DSCAM: variants seen among roughly 807,000 people sequenced by gnomAD.
The protein encoded by DSCAM is DS cell adhesion molecule, also known as cell adhesion molecule DSCAM.
Under a neutral mutation model 217.7 loss-of-function variants are expected in DSCAM, and 47 were observed. The ratio of observed to expected loss-of-function variants is 0.22; its 90% CI spans 0.17 to 0.28. The LOEUF (loss-of-function observed/expected upper bound fraction) is 0.28, where lower values mean the gene tolerates loss of function less well. Ranked by LOEUF, DSCAM falls within the 10% of genes least tolerant of loss-of-function variation. The pLI, the probability that DSCAM is intolerant of heterozygous loss-of-function variation, is 1.00. For missense variants in DSCAM, 2,080 were observed against 2,618.3 expected (o/e 0.79, Z 4.49); for synonymous variants, 1,056 against 1,015.3 (o/e 1.04, Z -0.76).
chr21:40,511,088 A>G (rs2076253877), intron 3 of DSCAM, among the ~76,000 whole-genome samples: 1 of 152,238 alleles, frequency 6.6e-6, no homozygotes, highest in African/African-American at 2.4e-5. Flanking sequence ...TGTTAATAAT[A>G]AAGGTTGGAT....
chr21:40,564,730 A>T (rs1483775278), intron 3 of DSCAM, among the ~76,000 whole-genome samples: 2 of 152,210 alleles, frequency 1.3e-5, no homozygotes, highest in Non-Finnish European at 2.9e-5. Context: ...TCTGTGTCCT[A>T]TTCTGCCAGT....
At position 40,039,022 on chromosome 21, in the gene DSCAM, TGGGGGGA is replaced by T. The variant is rs549486733; in HGVS notation, c.5686+3342_5686+3348del. On this transcript the variant is annotated intron_variant, in intron 32 of 32. Coordinates refer to ENST00000400454, the MANE Select transcript of DSCAM (RefSeq NM_001389.5). ...TCACACTCTGGGGACTGTAGTGGGG[TGGGGGGA>T]GGGGGGAGGGATAGCACTGGGAGAT... Among the ~76,000 whole-genome samples, 165 of 67,250 alleles carry T rather than the reference TGGGGGGA, an allele frequency of 2.5e-3. 2 individuals carry two copies. The highest frequency in any genetic ancestry group is 0.015 in the Middle Eastern group (1 of 66). 44.1% of individuals were successfully genotyped at this position (67,250 alleles called of 152,430 possible). A position where few individuals can be genotyped will look rare whatever the true frequency, so the allele number is the denominator to read the frequency against.
chr21:40,124,363 C>T (rs757538765), intron 19 of DSCAM, 35 bp from the exon 20 acceptor site: 6 of 1,611,326 alleles, frequency 3.7e-6, no homozygotes, highest in African/African-American at 1.3e-5. Flanking sequence ...CAAGGTGGGG[C>T]CTCAACTTGG....
chr21:40,316,677 C>T (rs1882759), intron 8 of DSCAM, among the ~76,000 whole-genome samples: 93,209 of 152,026 alleles, frequency 0.61, 29,376 homozygotes, highest in African/African-American at 0.75. Flanking sequence ...ACAAGAAGTA[C>T]GTAAATATCT....
chr21:40,340,574 C>T (rs1164649538), intron 6 of DSCAM, among the ~76,000 whole-genome samples: 9 of 152,084 alleles, frequency 5.9e-5, no homozygotes, highest in Non-Finnish European at 1.2e-4. Context: ...CAATCACATG[C>T]CACAGGATTT....
At chr21:40,592,251 A>C (rs2076989556) in intron 3 of DSCAM, among the ~76,000 whole-genome samples, 1 of 152,232 alleles carries the variant, frequency 6.6e-6, no homozygotes, top group African/African-American at 2.4e-5. Context: ...GAGTTTAGGT[A>C]GTTATCCTAA....
chr21:40,690,678 CT>C (rs149437023), intron 3 of DSCAM, among the ~76,000 whole-genome samples: 12 of 151,492 alleles, frequency 7.9e-5, no homozygotes, highest in South Asian at 2.1e-4. Context: ...TACACATTTC[CT>C]TTTTTTTATT....
intron 3 of DSCAM, among the ~76,000 whole-genome samples, chr21:40,598,506 T>TTG (rs1241220708): frequency 5.2e-5 from 7 of 135,872 alleles, no homozygotes; most frequent in Non-Finnish European, 1.1e-4. Flanking sequence ...TGTTTTTTTT[T>TTG]TTTTTTTTTT....
intron 3 of DSCAM, among the ~76,000 whole-genome samples, chr21:40,449,845 A>C (rs1426040022): frequency 6.6e-6 from 1 of 152,228 alleles, no homozygotes; most frequent in Non-Finnish European, 1.5e-5. Context: ...TCACAATTAC[A>C]TTAATATATT....
chr21:40,400,135 T>C (rs368210326), intron 3 of DSCAM, among the ~76,000 whole-genome samples: 1 of 152,176 alleles, frequency 6.6e-6, no homozygotes, highest in Non-Finnish European at 1.5e-5. Context: ...TCAGGGCCCC[T>C]TTACACTTTT....
At chr21:40,530,200 T>C (rs7280169) in intron 3 of DSCAM, among the ~76,000 whole-genome samples, 4,639 of 152,260 alleles carry the variant, frequency 0.03, 217 homozygotes, top group African/African-American at 0.1. Context: ...AGAAACACCA[T>C]TGACTCCTCC....
chr21:40,138,308 G>T (rs1272080869), intron 18 of DSCAM, among the ~76,000 whole-genome samples: 2 of 150,996 alleles, frequency 1.3e-5, no homozygotes, highest in African/African-American at 4.9e-5. Context: ...TGCGTGGTGT[G>T]TGTGTATGGT....
At chr21:40,637,653 A>C (rs1424588402) in intron 3 of DSCAM, among the ~76,000 whole-genome samples, 4 of 12,408 alleles carry the variant, frequency 3.2e-4, no homozygotes, top group Admixed American at 1.8e-3. Context: ...ATATATATCT[A>C]TATATATATA....
chr21:40,141,418 C>T (rs893903941), intron 18 of DSCAM, among the ~76,000 whole-genome samples: 7 of 152,122 alleles, frequency 4.6e-5, no homozygotes, highest in African/African-American at 1.4e-4. Flanking sequence ...AGTTCAAGAC[C>T]AGCCTGGCCA....
intron 1 of DSCAM, among the ~76,000 whole-genome samples, chr21:40,836,516 T>C (rs1488419094): frequency 6.6e-6 from 1 of 152,176 alleles, no homozygotes; most frequent in Non-Finnish European, 1.5e-5. Flanking sequence ...CCCAAATTCT[T>C]ATGGTGGTCA....
chr21:40,369,389 T>C (rs944315590), intron 3 of DSCAM, 144 bp from the exon 4 acceptor site: 17 of 359,324 alleles, frequency 4.7e-5, no homozygotes, highest in African/African-American at 8.2e-5. Flanking sequence ...CGTCTGCGTG[T>C]GTGTGTGTGT....
At chr21:40,490,753 CA>C (rs1467574617) in intron 3 of DSCAM, among the ~76,000 whole-genome samples, 3 of 152,300 alleles carry the variant, frequency 2.0e-5, no homozygotes, top group Admixed American at 2.0e-4. Context: ...CACTGTCCTG[CA>C]AGGTTTCTGT....
intron 32 of DSCAM, among the ~76,000 whole-genome samples, chr21:40,033,199 C>A (rs549701054): frequency 6.6e-6 from 1 of 152,018 alleles, no homozygotes; most frequent in Non-Finnish European, 1.5e-5. Context: ...GAACAGCTCC[C>A]GTCTACAGCT....
chr21:40,598,361 G>A (rs1300583835), intron 3 of DSCAM, among the ~76,000 whole-genome samples: 4 of 152,150 alleles, frequency 2.6e-5, no homozygotes, highest in South Asian at 4.2e-4. Flanking sequence ...ATTTTAGTTC[G>A]GTTGCCTTTA....
Sources: allele counts gnomAD v4.1 joint callset (sites outside exome capture counted in the v4.1 genomes callset), GRCh38; gene constraint gnomAD v4.1.1; transcripts MANE v1.5; gene names NCBI Gene and HGNC (gene_info 2026-07-23, HGNC 2026-07-21).